ITIH5: variants seen among roughly 807,000 people sequenced by gnomAD.
ITIH5 encodes the protein inter-alpha-trypsin inhibitor heavy chain H5.
Under a neutral mutation model 77.5 loss-of-function variants are expected in ITIH5, and 65 were observed. The ratio of observed to expected loss-of-function variants is 0.84; its 90% CI spans 0.69 to 1.03. The LOEUF (loss-of-function observed/expected upper bound fraction) is 1.03. Ranked by LOEUF, ITIH5 falls within the 50% of genes least tolerant of loss-of-function variation. The pLI, the probability that ITIH5 is intolerant of heterozygous loss-of-function variation, is 0.00. For missense variants in ITIH5, 1,208 were observed against 1,213.1 expected (o/e 1.00, Z 0.06); for synonymous variants, 525 against 494.3 (o/e 1.06, Z -0.82).
At chr10:7,660,140 A>T (rs1211741170) in intron 1 of ITIH5, among the ~76,000 whole-genome samples, 1 of 152,218 alleles carries the variant, frequency 6.6e-6, no homozygotes, top group Non-Finnish European at 1.5e-5. Context: ...AACGTAAGCC[A>T]CCATCTCTGC....
chr10:7,579,266 C>T (rs1302890764), intron 9 of ITIH5, among the ~76,000 whole-genome samples: 1 of 152,186 alleles, frequency 6.6e-6, no homozygotes, highest in Admixed American at 6.5e-5. Flanking sequence ...TGGCTCACGC[C>T]CATAATCCCA....
chr10:7,628,091 T>C (rs1296870297), intron 5 of ITIH5, among the ~76,000 whole-genome samples: 2 of 152,178 alleles, frequency 1.3e-5, no homozygotes, highest in Admixed American at 1.3e-4. Context: ...TCCACCCACC[T>C]TGGCCTTCTA....
At position 7,563,001 on chromosome 10, in the gene ITIH5, T is replaced by G. The variant is rs1832067083; in HGVS notation, c.*82A>C. 4.2e-6 allele frequency: 5 copies of G among 1,183,808 alleles called. No individual in the cohort carries two copies. Among genetic ancestry groups the G allele is most frequent in the Non-Finnish European group, 6.2e-6 (5 of 810,810 alleles). The allele number at this position is 1,183,808 out of a possible 1,614,324, so 73.3% of individuals were successfully genotyped here. On this transcript the variant is annotated 3_prime_UTR_variant, in exon 14 of 14. Transcript: ENST00000397146. ...CAGCTAATTGCCAGGAGCTGAGGCG[T>G]GTACAAGCCATGAAAAGAGCTGCCC...
At chr10:7,589,733 G>A (rs1470851918) in intron 7 of ITIH5, among the ~76,000 whole-genome samples, 2 of 151,794 alleles carry the variant, frequency 1.3e-5, no homozygotes, top group African/African-American at 2.4e-5. Flanking sequence ...CCCATGCCTG[G>A]CTCCCACCCC....
In ITIH5 at chr10:7,574,656, G is replaced by A. The variant is rs189785023; in HGVS notation, c.1979-1461C>T. On this transcript the variant is annotated intron_variant, in intron 10 of 13. Transcript: ENST00000397146. The stretch of plus-strand genomic sequence containing the variant: ...AAAATACAAAAAATTAGCCGGGCGC[G>A]GTGGTGGGCACCCGTAGTCCCAGCT... Among the ~76,000 whole-genome samples the A allele has an allele frequency of 2.6e-4, 39 of 151,948 alleles. No homozygotes were observed. The East Asian group carries it at 5.8e-3, about 23-fold the overall frequency.
intron 2 of ITIH5, among the ~76,000 whole-genome samples, chr10:7,643,711 C>T (rs1215840856): frequency 6.6e-6 from 1 of 152,216 alleles, no homozygotes; most frequent in African/African-American, 2.4e-5. Flanking sequence ...TTATTTACAG[C>T]CCTAGGCCTG....
intron 8 of ITIH5, among the ~76,000 whole-genome samples, chr10:7,582,154 A>T (rs769395709): frequency 2.0e-4 from 31 of 152,284 alleles, no homozygotes; most frequent in Middle Eastern, 3.4e-3. Flanking sequence ...GATTACTGGC[A>T]GGGGCCACAG....
At chr10:7,632,255 T>G (rs1232745251) in intron 5 of ITIH5, among the ~76,000 whole-genome samples, 4 of 152,206 alleles carry the variant, frequency 2.6e-5, no homozygotes, top group Non-Finnish European at 5.9e-5. Context: ...GTTTGAAGTC[T>G]ACAGGGATGA....
At chr10:7,594,050 G>A (rs997901754) in intron 7 of ITIH5, among the ~76,000 whole-genome samples, 10 of 152,252 alleles carry the variant, frequency 6.6e-5, no homozygotes, top group African/African-American at 2.2e-4. Context: ...TGCTGAAGAC[G>A]AACTGAAATG....
chr10:7,585,964 A>G lies in ITIH5; in HGVS notation c.1045T>C (p.Ser349Pro), dbSNP rs773861530. The stretch of plus-strand genomic sequence containing the variant: ...TCCCTGATGCTGTCTGGAGTGACTG[A>G]TATCAAGTGGTCCTTCCATACTTTG... Reference protein sequence around the residue: ...RIKVWKDHLISVTPDSIRDGK... With the variant: ...RIKVWKDHLIPVTPDSIRDGK... The change falls in exon 8 of 14, where the codon TCA becomes CCA. Residue 349 changes from serine to proline, a missense_variant. Coordinates refer to ENST00000397146, the MANE Select transcript of ITIH5 (RefSeq NM_030569.7). 6 of 1,614,084 alleles carry G rather than the reference A, an allele frequency of 3.7e-6. No homozygotes were observed.
intron 5 of ITIH5, among the ~76,000 whole-genome samples, chr10:7,632,561 T>C (rs1037528035): frequency 7.2e-5 from 11 of 152,214 alleles, no homozygotes; most frequent in Admixed American, 3.9e-4. Context: ...AGCATTATTC[T>C]TAACTTTACA....
chr10:7,627,039 G>A (rs1833591129), intron 5 of ITIH5, among the ~76,000 whole-genome samples: 2 of 152,168 alleles, frequency 1.3e-5, no homozygotes, highest in Admixed American at 1.3e-4. Flanking sequence ...TATGCCAGGT[G>A]CCACACCAAG....
chr10:7,607,682 G>A (rs944649302), intron 7 of ITIH5, among the ~76,000 whole-genome samples: 4 of 152,164 alleles, frequency 2.6e-5, no homozygotes, highest in Admixed American at 6.5e-5. Flanking sequence ...GTGTGGCGGC[G>A]CATGCCTGTA....
chr10:7,650,268 T>C (rs1834076342), intron 2 of ITIH5, among the ~76,000 whole-genome samples: 1 of 152,242 alleles, frequency 6.6e-6, no homozygotes, highest in Non-Finnish European at 1.5e-5. Context: ...CATTATTTTC[T>C]TTCAGTCTAA....
intron 8 of ITIH5, among the ~76,000 whole-genome samples, chr10:7,581,608 A>G (rs545661388): frequency 6.6e-6 from 1 of 152,238 alleles, no homozygotes. Flanking sequence ...TCAGTTTATG[A>G]AAACATATCA....
At chr10:7,602,652 A>C (rs1279341036) in intron 7 of ITIH5, among the ~76,000 whole-genome samples, 1 of 152,068 alleles carries the variant, frequency 6.6e-6, no homozygotes, top group Non-Finnish European at 1.5e-5. Flanking sequence ...AGTCCATTAA[A>C]TCTCTTTCCT....
At chr10:7,624,325 T>G (rs1285464797) in intron 5 of ITIH5, among the ~76,000 whole-genome samples, 3 of 149,782 alleles carry the variant, frequency 2.0e-5, no homozygotes, top group Admixed American at 6.7e-5. Context: ...CTGACCAACA[T>G]GGAGAAACCC....
rs535630534 is a variant in ITIH5, at chr10:7,603,242, T to C, written c.939+12740A>G. The stretch of plus-strand genomic sequence containing the variant: ...AAAAGAATGAAGTGCAGATGCACAC[T>C]ACGACATGGCTGAACCTGGGAGGTA... On this transcript the variant is annotated intron_variant, in intron 7 of 13. Coordinates refer to ENST00000397146, the MANE Select transcript of ITIH5 (RefSeq NM_030569.7). Among the ~76,000 whole-genome samples, 9 of 152,310 alleles carry C rather than the reference T, an allele frequency of 5.9e-5. No homozygotes were observed. The East Asian group carries it at 1.7e-3, about 29-fold the overall frequency.
intron 5 of ITIH5, among the ~76,000 whole-genome samples, chr10:7,628,428 C>T (rs1198219102): frequency 6.6e-6 from 1 of 152,216 alleles, no homozygotes; most frequent in Non-Finnish European, 1.5e-5. Flanking sequence ...TTCGAGACTC[C>T]GTCACACTGT....
Sources: allele counts gnomAD v4.1 joint callset (sites outside exome capture counted in the v4.1 genomes callset), GRCh38; gene constraint gnomAD v4.1.1; transcripts MANE v1.5; gene names NCBI Gene and HGNC (gene_info 2026-07-23, HGNC 2026-07-21).